The following TMEM184B variants were observed in gnomAD, a reference collection of about 807,000 sequenced individuals.
TMEM184B encodes putative MAPK-activating protein FM08.
Under a neutral mutation model 41.8 loss-of-function variants are expected in TMEM184B, and 17 were observed. That is an observed-to-expected ratio of 0.41 (90% CI 0.28 to 0.61). The LOEUF (loss-of-function observed/expected upper bound fraction) is 0.61, where lower values mean the gene tolerates loss of function less well. Among genes scored for constraint, TMEM184B ranks in the 20% least tolerant of loss-of-function variants. The pLI, the probability that TMEM184B is intolerant of heterozygous loss-of-function variation, is 0.34. For synonymous variants in TMEM184B, 240 were observed against 229.5 expected, an observed-to-expected ratio of 1.05 and a Z score of -0.41; for missense variants, 393 against 557.8, an observed-to-expected ratio of 0.70 and a Z score of 2.98.
At chr22:38,266,890 T>A (rs1019462179) in intron 1 of TMEM184B, among the ~76,000 whole-genome samples, 1 of 152,152 alleles carries the variant, frequency 6.6e-6, no homozygotes, top group East Asian at 1.9e-4. Context: ...GAGACCATCC[T>A]GGCTAACACG....
In TMEM184B at chr22:38,221,443, A is replaced by T; in HGVS notation, c.*26T>A. On this transcript the variant is annotated 3_prime_UTR_variant, in exon 9 of 9. Coordinates refer to ENST00000361906, the MANE Select transcript of TMEM184B (RefSeq NM_012264.5). ...ACAGCCTGACCGTGGCTATGGCGCCAGCACTTCCGCCACTGCAGCCCGCAC... is the reference window on the plus strand; with the variant it reads ...ACAGCCTGACCGTGGCTATGGCGCCTGCACTTCCGCCACTGCAGCCCGCAC... 4 of 1,571,526 alleles carry T rather than the reference A, an allele frequency of 2.5e-6. No homozygotes were observed. The highest frequency in any genetic ancestry group is 3.5e-6 in the Non-Finnish European group (4 of 1,158,080).
intron 3 of TMEM184B, 116 bp from the exon 4 acceptor site, chr22:38,231,450 G>A: frequency 1.2e-6 from 1 of 846,782 alleles, no homozygotes; most frequent in South Asian, 1.3e-5. Flanking sequence ...GCAACAGGGA[G>A]GAGGCTGGGG....
chr22:38,269,470 C>T (rs2092490152), intron 1 of TMEM184B, among the ~76,000 whole-genome samples: 2 of 152,160 alleles, frequency 1.3e-5, no homozygotes, highest in Non-Finnish European at 2.9e-5. Flanking sequence ...CCCACCTCAG[C>T]CTCCCAAAGC....
chr22:38,265,528 C>T (rs2092431789), intron 1 of TMEM184B, among the ~76,000 whole-genome samples: 1 of 152,068 alleles, frequency 6.6e-6, no homozygotes, highest in Non-Finnish European at 1.5e-5. Flanking sequence ...GGATCTTAGG[C>T]AATTCACCCC....
intron 3 of TMEM184B, among the ~76,000 whole-genome samples, chr22:38,235,323 G>C (rs2091745988): frequency 6.6e-6 from 1 of 152,206 alleles, no homozygotes; most frequent in African/African-American, 2.4e-5. Flanking sequence ...TCTCTATCTG[G>C]AAGCTCCCTC....
At chr22:38,256,124 G>A (rs191561612) in intron 1 of TMEM184B, among the ~76,000 whole-genome samples, 2 of 152,302 alleles carry the variant, frequency 1.3e-5, no homozygotes, top group South Asian at 4.1e-4. Context: ...TCCAAGGCGG[G>A]TGGATCATCT....
chr22:38,267,663 G>C (rs546592872), intron 1 of TMEM184B, among the ~76,000 whole-genome samples: 1 of 152,074 alleles, frequency 6.6e-6, no homozygotes, highest in East Asian at 1.9e-4. Context: ...CAATTCCTGA[G>C]CTCAAGTGAT....
In TMEM184B at chr22:38,225,084, G is replaced by A; in HGVS notation, c.788-105C>T. ...TGCCCACATGCCCCAGTGAGGATGT[G>A]AGCAGGGCCACAGCTGCTCCTGCAG... On this transcript the variant is annotated intron_variant, in intron 7 of 8. Coordinates refer to ENST00000361906, the MANE Select transcript of TMEM184B (RefSeq NM_012264.5). The surrounding 1 kb of genome is among the most constrained non-coding windows in gnomAD (Gnocchi z 4.4). 2.3e-6 allele frequency: 3 copies of A among 1,294,880 alleles called. No individual in the cohort carries two copies. Among genetic ancestry groups the A allele is most frequent in the South Asian group, 3.0e-5 (2 of 66,816 alleles). The allele number at this position is 1,294,880 out of a possible 1,614,324, so 80.2% of individuals were successfully genotyped here. A position where few individuals can be genotyped will look rare whatever the true frequency, so the allele number is the denominator to read the frequency against.
downstream of TMEM184B, among the ~76,000 whole-genome samples, chr22:38,218,109 T>C (rs1281070296): frequency 6.6e-6 from 1 of 152,210 alleles, no homozygotes. Flanking sequence ...TACAGCCAAG[T>C]GGAAACTATC....
At chr22:38,252,310 C>T (rs2092183579) in intron 1 of TMEM184B, among the ~76,000 whole-genome samples, 1 of 152,176 alleles carries the variant, frequency 6.6e-6, no homozygotes, top group African/African-American at 2.4e-5. Flanking sequence ...ATCCTCCCAT[C>T]TTGGCCTCCC....
Position 38,225,292 on chromosome 22 carries a change from G to GC in TMEM184B, c.787+131dup. ...CTCGAGGGCTCAGATTTCACCCCCA[G>GC]CAAGTGCCCAGTGGGCTGAGGCCCC... On this transcript the variant is annotated intron_variant, in intron 7 of 8. Coordinates refer to ENST00000361906, the MANE Select transcript of TMEM184B (RefSeq NM_012264.5). The surrounding 1 kb of genome is among the most constrained non-coding windows in gnomAD (Gnocchi z 4.4). 8.3e-7 allele frequency: 1 copy of GC among 1,210,072 alleles called. No individual in the cohort carries two copies. Among genetic ancestry groups the GC allele is most frequent in the Admixed American group, 2.6e-5 (1 of 38,010 alleles). 75.0% of individuals were successfully genotyped at this position (1,210,072 alleles called of 1,614,324 possible).
intron 1 of TMEM184B, among the ~76,000 whole-genome samples, chr22:38,269,942 G>A (rs550528863): frequency 6.6e-6 from 1 of 152,320 alleles, no homozygotes; most frequent in East Asian, 1.9e-4. Context: ...AGGAATGAAG[G>A]AGGGATGAGA....
intron 1 of TMEM184B, among the ~76,000 whole-genome samples, chr22:38,269,269 G>A (rs929399557): frequency 6.6e-5 from 10 of 152,188 alleles, no homozygotes; most frequent in African/African-American, 2.4e-4. Flanking sequence ...CCACCAGACT[G>A]GAGTGTAGTG....
At chr22:38,262,635 A>C (rs890036307) in intron 1 of TMEM184B, among the ~76,000 whole-genome samples, 1 of 152,204 alleles carries the variant, frequency 6.6e-6, no homozygotes, top group African/African-American at 2.4e-5. Flanking sequence ...AGCCAATCGG[A>C]GCAAGGGTTG....
At chr22:38,257,941 C>T (rs951932123) in intron 1 of TMEM184B, among the ~76,000 whole-genome samples, 1 of 152,196 alleles carries the variant, frequency 6.6e-6, no homozygotes, top group Non-Finnish European at 1.5e-5. Flanking sequence ...CCTCTCTGTC[C>T]TTCCCCAGAC....
rs1440847258 is a variant in TMEM184B, at chr22:38,226,920, T to G, written c.526-50A>C. ...GTGTGGAGGAGGAGCACAGAAGGCA[T>G]GAAGCAAGCCCTGCCTCTGGCAGAC... On this transcript the variant is annotated intron_variant, in intron 5 of 8. Transcript: ENST00000361906. This position sits in a 1 kb window ranked among gnomAD's most constrained non-coding sequence, Gnocchi z 4.6. The G allele has an allele frequency of 6.5e-7, 1 of 1,534,994 alleles. No individual in the cohort carries two copies. The highest frequency in any genetic ancestry group is 8.8e-7 in the Non-Finnish European group (1 of 1,131,966).
At chr22:38,259,358 T>A (rs1379104505) in intron 1 of TMEM184B, among the ~76,000 whole-genome samples, 1 of 152,172 alleles carries the variant, frequency 6.6e-6, no homozygotes, top group African/African-American at 2.4e-5. Flanking sequence ...CTACCTTACA[T>A]GGCAAAAGGG....
Position 38,224,835 on chromosome 22 carries a change from C to T in TMEM184B, c.932G>A (p.Arg311Gln), listed in dbSNP as rs149265700. Reference sequence around the variant, plus strand: ...ATAGACCTTGTAGGTGAAGGCGTGCCGCAGGGCCAGGGCTGCAAAGAACAT... The same window carrying T: ...ATAGACCTTGTAGGTGAAGGCGTGCTGCAGGGCCAGGGCTGCAAAGAACAT... ...VEMFFAALAL[R>Q]HAFTYKVYAD... Residue 311 changes from arginine to glutamine, a missense_variant, in exon 8 of 9, where the codon CGG becomes CAG. Transcript: ENST00000361906. 12 of 1,613,338 alleles carry T rather than the reference C, an allele frequency of 7.4e-6. No individual in the cohort carries two copies. The highest frequency in any genetic ancestry group is 1.1e-5 in the South Asian group (1 of 91,058).
At chr22:38,247,718 A>G in intron 2 of TMEM184B, 52 bp downstream of exon 2, 1 of 1,555,354 alleles carries the variant, frequency 6.4e-7, no homozygotes, top group Non-Finnish European at 8.7e-7. Context: ...CACTCTGTTC[A>G]GCCAGGAACC....
Sources: allele counts gnomAD v4.1 joint callset (sites outside exome capture counted in the v4.1 genomes callset), GRCh38; gene constraint gnomAD v4.1.1; non-coding constraint Gnocchi (gnomAD v3.1); transcripts MANE v1.5; gene names NCBI Gene and HGNC (gene_info 2026-07-23, HGNC 2026-07-21).